KDM7A: variants seen among roughly 807,000 people sequenced by gnomAD.
The protein encoded by KDM7A is lysine-specific demethylase 7A.
KDM7A carries 28 observed loss-of-function variants against 114.8 expected under a neutral mutation model. That is an observed-to-expected ratio of 0.24 (90% CI 0.18 to 0.33). The LOEUF is 0.33. KDM7A is among the 10% of genes least tolerant of loss of function. The pLI is 1.00. For missense variants in KDM7A, 942 were observed against 1,142.5 expected, an observed-to-expected ratio of 0.82 and a Z score of 2.53; for synonymous variants, 423 against 397.8, an observed-to-expected ratio of 1.06 and a Z score of -0.75.
chr7:140,130,824 A>AC (rs1227762948), intron 3 of KDM7A, among the ~76,000 whole-genome samples: 1 of 142,078 alleles, frequency 7.0e-6, no homozygotes, highest in East Asian at 2.0e-4. Flanking sequence ...GATTTAAATG[A>AC]CCCGTTACAA....
chr7:140,116,090 G>A (rs59422296), intron 9 of KDM7A, among the ~76,000 whole-genome samples: 1 of 152,310 alleles, frequency 6.6e-6, no homozygotes, highest in South Asian at 2.1e-4. Flanking sequence ...ATGGGAATTG[G>A]AAACAATTTG....
At chr7:140,105,463 T>A (rs368761510) in intron 11 of KDM7A, among the ~76,000 whole-genome samples, 17 of 152,366 alleles carry the variant, frequency 1.1e-4, no homozygotes, top group Non-Finnish European at 1.6e-4. Context: ...ATGCACTCCA[T>A]CAATACCTAC....
chr7:140,167,232 TAGAC>T (rs76237258), intron 1 of KDM7A, among the ~76,000 whole-genome samples: 9,460 of 152,160 alleles, frequency 0.062, 359 homozygotes, highest in Non-Finnish European at 0.09. Flanking sequence ...TGAATAAAAT[TAGAC>T]AGGTTGATAC....
chr7:140,132,872 T>C (rs1041240593), intron 3 of KDM7A, among the ~76,000 whole-genome samples: 6 of 152,194 alleles, frequency 3.9e-5, no homozygotes, highest in Non-Finnish European at 8.8e-5. Flanking sequence ...GTGATTTAAA[T>C]TTAAATTGTG....
At chr7:140,134,760 T>C (rs1218057377) in intron 2 of KDM7A, among the ~76,000 whole-genome samples, 1 of 152,136 alleles carries the variant, frequency 6.6e-6, no homozygotes, top group African/African-American at 2.4e-5. Context: ...GGCTTATAGG[T>C]GCTTGCTGTA....
rs1818011100 is a variant in KDM7A at position 140,091,119 on chromosome 7, T to C, written c.2801A>G (p.Asn934Ser). ...RLGKILKLNR[N>S]GHARFFV ...TCACACAAAGAAACGTGCATGGCCA[T>C]TTCTGTTCAACTTAAGGATCTTCCC... is the stretch of plus-strand genomic sequence containing the variant. The change falls in exon 20 of 20, where the codon AAT becomes AGT. Residue 934 changes from asparagine (N) to serine (S), a missense_variant. Physicochemically the swap from Asn to Ser is conservative, Grantham distance 46 (BLOSUM62 1). Around this residue, in one of 4 missense-constraint regions of KDM7A, gnomAD observed 512 missense variants for 576.6 expected, o/e 0.89. Transcript: ENST00000397560. The C allele has an allele frequency of 6.2e-7, 1 of 1,613,886 alleles. No homozygotes were observed. The highest frequency in any genetic ancestry group is 1.3e-5 in the African/African-American group (1 of 74,938).
Position 140,091,172 on chromosome 7 carries a change from T to G in KDM7A, c.2748A>C (p.Lys916Asn). Residue 916 changes from lysine to asparagine, a missense_variant, in exon 20 of 20, where the codon AAA becomes AAC. This residue lies in a region of KDM7A where 512 missense variants were observed against 576.6 expected (regional missense o/e 0.89). Coordinates refer to ENST00000397560, the MANE Select transcript of KDM7A (RefSeq NM_030647.2). ...GACGTTGTTTGGCTGTTGCCATTCC[T>G]TTTTTTGGACGTTTACCTATAAAAC... ...NQATKGKRPK[K>N]GMATAKQRLG... 6.2e-7 allele frequency: 1 copy of G among 1,610,024 alleles called. No individual in the cohort carries two copies. Among genetic ancestry groups the G allele is most frequent in the Non-Finnish European group, 8.5e-7 (1 of 1,176,182 alleles).
intron 3 of KDM7A, among the ~76,000 whole-genome samples, chr7:140,131,266 TAA>T (rs926819588): frequency 6.6e-6 from 1 of 152,212 alleles, no homozygotes; most frequent in African/African-American, 2.4e-5. Context: ...TACATTAACA[TAA>T]GTGGAGTTTG....
At chr7:140,107,980 C>CT (rs569752838) in intron 11 of KDM7A, among the ~76,000 whole-genome samples, 1,595 of 152,240 alleles carry the variant, frequency 0.01, 23 homozygotes, top group African/African-American at 0.037. Context: ...TCTTTTTACT[C>CT]TTTTTTCTCT....
intron 1 of KDM7A, among the ~76,000 whole-genome samples, chr7:140,150,662 G>A (rs1794389517): frequency 1.3e-5 from 2 of 152,104 alleles, no homozygotes; most frequent in Non-Finnish European, 2.9e-5. Flanking sequence ...AAACTGAATG[G>A]ATATAGAATG....
At chr7:140,120,648 T>C in intron 7 of KDM7A, 119 bp from the exon 8 acceptor site, 1 of 614,038 alleles carries the variant, frequency 1.6e-6, no homozygotes, top group Non-Finnish European at 2.9e-6. Flanking sequence ...ATTTCAGTGC[T>C]AGAGAAGTTA....
intron 12 of KDM7A, among the ~76,000 whole-genome samples, chr7:140,100,713 T>TATATATATATATATATATATACAC (rs1562946054): frequency 1.1e-3 from 37 of 33,080 alleles, no homozygotes; most frequent in South Asian, 2.5e-3. Flanking sequence ...TATATACACA[T>TATATATATATATATATATATACAC]ATATATATAT....
chr7:140,172,186 T>C (rs1174217604), intron 1 of KDM7A, among the ~76,000 whole-genome samples: 1 of 152,174 alleles, frequency 6.6e-6, no homozygotes, highest in African/African-American at 2.4e-5. Context: ...TCTATACCCT[T>C]TGACCAATAA....
chr7:140,142,119 T>C (rs1487038649), intron 1 of KDM7A, among the ~76,000 whole-genome samples: 1 of 143,624 alleles, frequency 7.0e-6, no homozygotes, highest in African/African-American at 2.5e-5. Flanking sequence ...TGCTATCTCA[T>C]AAAAATGTAT....
chr7:140,144,605 TA>T (rs1794319835), intron 1 of KDM7A, among the ~76,000 whole-genome samples: 3 of 151,890 alleles, frequency 2.0e-5, no homozygotes, highest in South Asian at 4.1e-4. Flanking sequence ...AAAGGAAATA[TA>T]AAAGGGGTGA....
intron 1 of KDM7A, among the ~76,000 whole-genome samples, chr7:140,154,446 T>G (rs1434381957): frequency 6.8e-6 from 1 of 147,552 alleles, no homozygotes; most frequent in Admixed American, 6.9e-5. Context: ...GTGAGCTGAC[T>G]GCACCGCTGC....
chr7:140,138,999 G>T, intron 2 of KDM7A, 106 bp downstream of exon 2: 1 of 712,932 alleles, frequency 1.4e-6, no homozygotes, highest in Non-Finnish European at 2.4e-6. Context: ...CTTGAAGGGT[G>T]TAATATAACT....
intron 10 of KDM7A, 83 bp downstream of exon 10, chr7:140,113,408 C>A (rs1442720496): frequency 1.4e-6 from 1 of 728,642 alleles, no homozygotes; most frequent in East Asian, 2.7e-5. Flanking sequence ...GGCATTCACA[C>A]GTGCTGCCAA....
intron 7 of KDM7A, among the ~76,000 whole-genome samples, chr7:140,121,733 T>G (rs1818620807): frequency 6.6e-6 from 1 of 152,180 alleles, no homozygotes; most frequent in Non-Finnish European, 1.5e-5. Flanking sequence ...TCCTGCGCAT[T>G]CATATAGGTA....
Sources: gnomAD v4.1 joint callset for allele counts (sites outside exome capture counted in the v4.1 genomes callset) on GRCh38, gnomAD v4.1.1 for gene constraint, gnomAD v4.1.1 regional missense constraint, MANE v1.5 for transcripts, NCBI Gene and HGNC (gene_info 2026-07-23, HGNC 2026-07-21) for gene names.